Variants in CSMD1 observed in about 807,000 individuals in gnomAD.
The protein encoded by CSMD1 is CUB and Sushi multiple domains 1.
CSMD1 carries 213 observed loss-of-function variants against 417.5 expected under a neutral mutation model. The ratio of observed to expected loss-of-function variants is 0.51; its 90% confidence interval spans 0.46 to 0.57. CSMD1 has a LOEUF of 0.57. Ranked by LOEUF, CSMD1 falls within the 20% of genes least tolerant of loss-of-function variation. The pLI is 0.00. For synonymous variants in CSMD1, 2,862 were observed against 1,736.8 expected (o/e 1.65, Z -16.11); for missense variants, 6,923 against 4,529.7 (o/e 1.53, Z -15.17).
chr8:3,599,941 A>C (rs1801282444), intron 8 of CSMD1, among the ~76,000 whole-genome samples: 1 of 152,216 alleles, frequency 6.6e-6, no homozygotes, highest in African/African-American at 2.4e-5. Context: ...GACGTCTTAA[A>C]GCAAAGTGTC....
chr8:4,974,366 G>C (rs191777495), intron 1 of CSMD1, among the ~76,000 whole-genome samples: 2 of 152,148 alleles, frequency 1.3e-5, no homozygotes, highest in Non-Finnish European at 2.9e-5. Context: ...TTAGCACTTA[G>C]CTGCAATATT....
chr8:4,026,389 G>T (rs1429922114), intron 4 of CSMD1, among the ~76,000 whole-genome samples: 1 of 152,274 alleles, frequency 6.6e-6, no homozygotes, highest in East Asian at 1.9e-4. Flanking sequence ...GATCTCATTG[G>T]GATTTACCAC....
At chr8:4,061,187 C>G (rs755528390) in intron 3 of CSMD1, among the ~76,000 whole-genome samples, 8 of 152,164 alleles carry the variant, frequency 5.3e-5, no homozygotes, top group African/African-American at 7.2e-5. Context: ...AGCTGCAGTT[C>G]TAACATGAGC....
At chr8:3,324,001 T>C (rs1167982632) in intron 23 of CSMD1, among the ~76,000 whole-genome samples, 5 of 112,136 alleles carry the variant, frequency 4.5e-5, no homozygotes, top group South Asian at 3.4e-4. Context: ...GACACACATC[T>C]AACCCCCAGA....
intron 9 of CSMD1, among the ~76,000 whole-genome samples, chr8:3,578,657 C>T (rs1178668988): frequency 6.6e-6 from 1 of 152,142 alleles, no homozygotes; most frequent in Non-Finnish European, 1.5e-5. Flanking sequence ...CACTCATGGA[C>T]TCTGCTGGTT....
At chr8:3,540,935 T>A (rs1223998988) in intron 10 of CSMD1, among the ~76,000 whole-genome samples, 2 of 152,322 alleles carry the variant, frequency 1.3e-5, no homozygotes, top group African/African-American at 2.4e-5. Context: ...TTGGTGGGAA[T>A]GTAACTTAGT....
intron 41 of CSMD1, among the ~76,000 whole-genome samples, chr8:3,124,275 C>T (rs954533505): frequency 1.3e-4 from 19 of 151,850 alleles, no homozygotes; most frequent in Non-Finnish European, 1.9e-4. Flanking sequence ...ACTAGAAATG[C>T]GTCTTACTCT....
chr8:3,880,121 A>T (rs925518951), intron 5 of CSMD1, among the ~76,000 whole-genome samples: 1 of 152,108 alleles, frequency 6.6e-6, no homozygotes, highest in Admixed American at 6.6e-5. Context: ...TACTGTCACA[A>T]GTTTCTACTG....
chr8:3,031,091 C>T (rs1006357173), intron 50 of CSMD1, among the ~76,000 whole-genome samples: 1 of 151,736 alleles, frequency 6.6e-6, no homozygotes, highest in South Asian at 2.1e-4. Flanking sequence ...TTTTCTCCAG[C>T]CAAAATACTC....
At chr8:3,992,849 T>C (rs950346056) in intron 5 of CSMD1, among the ~76,000 whole-genome samples, 2 of 152,264 alleles carry the variant, frequency 1.3e-5, no homozygotes, top group South Asian at 2.1e-4. Flanking sequence ...CACTGCAGCA[T>C]TGCTGCGTGG....
intron 3 of CSMD1, among the ~76,000 whole-genome samples, chr8:4,354,569 G>T (rs1443078033): frequency 6.6e-6 from 1 of 152,060 alleles, no homozygotes; most frequent in Non-Finnish European, 1.5e-5. Flanking sequence ...AACATAGATG[G>T]CAGACTTCAC....
rs570642351 is a variant in CSMD1, at chr8:4,271,265, C to G, written c.415+148688G>C. Among the ~76,000 whole-genome samples the G allele has an allele frequency of 6.4e-4, 98 of 152,250 alleles. 1 individual carries two copies. The South Asian group carries it at 0.019, about 29-fold the overall frequency. ...GTAGTGGACACTCAGGACCATGAAG[C>G]TGTAGGGGTTGGTGCCCTAACAGCA... On this transcript the variant is annotated intron_variant, in intron 3 of 69. Transcript: ENST00000635120.
chr8:3,555,370 T>A (rs931632703), intron 10 of CSMD1, among the ~76,000 whole-genome samples: 1 of 152,102 alleles, frequency 6.6e-6, no homozygotes. Context: ...TCATTGATGA[T>A]GACAGTCTGA....
chr8:4,523,290 G>A (rs534678277), intron 2 of CSMD1, among the ~76,000 whole-genome samples: 12 of 152,152 alleles, frequency 7.9e-5, no homozygotes, highest in East Asian at 7.7e-4. Context: ...TGGTTTTTAC[G>A]TTATCTCTTT....
intron 4 of CSMD1, among the ~76,000 whole-genome samples, chr8:4,029,932 A>G: frequency 6.6e-6 from 1 of 152,202 alleles, no homozygotes; most frequent in Non-Finnish European, 1.5e-5. Flanking sequence ...ATGTAAGTAT[A>G]GAATCCAGTG....
intron 1 of CSMD1, among the ~76,000 whole-genome samples, chr8:4,682,501 G>GA: frequency 1.3e-5 from 2 of 151,610 alleles, no homozygotes. Flanking sequence ...AAAGATACAG[G>GA]AAAAAGAATG....
At chr8:4,247,610 AAGG>A (rs1269218055) in intron 3 of CSMD1, among the ~76,000 whole-genome samples, 1 of 152,194 alleles carries the variant, frequency 6.6e-6, no homozygotes, top group Non-Finnish European at 1.5e-5. Flanking sequence ...ACATAATTAC[AAGG>A]AGAAGAGCAG....
chr8:4,142,510 G>C (rs775845400), intron 3 of CSMD1, among the ~76,000 whole-genome samples: 2 of 151,242 alleles, frequency 1.3e-5, no homozygotes, highest in East Asian at 1.9e-4. Flanking sequence ...AAAAGGAGCT[G>C]TTCTAGATGA....
intron 3 of CSMD1, among the ~76,000 whole-genome samples, chr8:4,343,483 G>T (rs750405933): frequency 6.6e-6 from 1 of 152,158 alleles, no homozygotes; most frequent in East Asian, 1.9e-4. Context: ...TCATGGTGAT[G>T]TACATGCGTA....
Sources: allele counts gnomAD v4.1 joint callset (sites outside exome capture counted in the v4.1 genomes callset), GRCh38; gene constraint gnomAD v4.1.1; transcripts MANE v1.5; gene names NCBI Gene and HGNC (gene_info 2026-07-23, HGNC 2026-07-21).